CCSER1: variants seen among roughly 807,000 people sequenced by gnomAD.
The protein encoded by CCSER1 is serine-rich coiled-coil domain-containing protein 1.
Under a neutral mutation model 82.0 loss-of-function variants are expected in CCSER1, and 41 were observed. The ratio of observed to expected loss-of-function variants is 0.50; its 90% CI spans 0.39 to 0.65. The LOEUF (loss-of-function observed/expected upper bound fraction) is 0.65, where lower values mean the gene tolerates loss of function less well. CCSER1 is among the 30% of genes least tolerant of loss of function. The pLI is 0.00. For missense variants in CCSER1, 1,119 were observed against 1,064.2 expected (o/e 1.05, Z -0.72); for synonymous variants, 414 against 383.9 (o/e 1.08, Z -0.92).
At chr4:90,449,837 C>T (rs891759862) in intron 4 of CCSER1, among the ~76,000 whole-genome samples, 2 of 152,234 alleles carry the variant, frequency 1.3e-5, no homozygotes, top group African/African-American at 4.8e-5. Flanking sequence ...TCCACAGCCA[C>T]AGCTGGGTGG....
chr4:91,363,360 TG>T (rs1749387997), intron 10 of CCSER1, among the ~76,000 whole-genome samples: 1 of 56,268 alleles, frequency 1.8e-5, no homozygotes, highest in African/African-American at 1.4e-4. Flanking sequence ...AGATATTTTG[TG>T]TGTGTGTGTG....
chr4:91,467,464 C>G (rs1339005900), intron 10 of CCSER1, among the ~76,000 whole-genome samples: 1 of 152,136 alleles, frequency 6.6e-6, no homozygotes, highest in Non-Finnish European at 1.5e-5. Flanking sequence ...GTCTAAAAAA[C>G]CAAAAGCAAT....
rs1399744276 is a variant in CCSER1 at position 90,510,834 on chromosome 4, CT to C, written c.1724+42481del. On this transcript the variant is annotated intron_variant, in intron 5 of 10. Coordinates refer to ENST00000509176, the MANE Select transcript of CCSER1 (RefSeq NM_001145065.2). ...AAAAAGACTCTGGGCCTTCGTGGTG[CT>C]CAGTAAGAGTTGATGATGAGTCACA... 5.5e-4 allele frequency among the ~76,000 whole-genome samples: 83 copies of C among 152,276 alleles called. 1 individual carries two copies. Among genetic ancestry groups the C allele is most frequent in the African/African-American group, 1.9e-3 (79 of 41,562 alleles).
chr4:90,726,492 T>C (rs993023206), intron 7 of CCSER1, among the ~76,000 whole-genome samples: 7 of 152,080 alleles, frequency 4.6e-5, no homozygotes, highest in Non-Finnish European at 8.8e-5. Flanking sequence ...GGTTAAACTT[T>C]AGAGATACAT....
At chr4:91,156,291 G>A (rs1440786167) in intron 10 of CCSER1, among the ~76,000 whole-genome samples, 4 of 151,788 alleles carry the variant, frequency 2.6e-5, no homozygotes, top group East Asian at 1.9e-4. Context: ...TTTACCTAGT[G>A]TGGTCAACCA....
chr4:90,364,093 C>T (rs1338789183), intron 3 of CCSER1, among the ~76,000 whole-genome samples: 1 of 151,998 alleles, frequency 6.6e-6, no homozygotes, highest in Non-Finnish European at 1.5e-5. Context: ...TTCTTCTTCT[C>T]TTGAAACATA....
intron 10 of CCSER1, among the ~76,000 whole-genome samples, chr4:91,229,989 C>T (rs1336568668): frequency 1.3e-5 from 2 of 152,082 alleles, no homozygotes; most frequent in Admixed American, 1.3e-4. Context: ...AATCCCAGAA[C>T]TTAAAGTTAA....
At chr4:91,260,986 A>G (rs1254646142) in intron 10 of CCSER1, among the ~76,000 whole-genome samples, 5 of 152,020 alleles carry the variant, frequency 3.3e-5, no homozygotes, top group Admixed American at 6.6e-5. Context: ...GATGGTCTCG[A>G]TCTCCTGACC....
chr4:91,197,694 T>A (rs1306865271), intron 10 of CCSER1, among the ~76,000 whole-genome samples: 1 of 152,148 alleles, frequency 6.6e-6, no homozygotes, highest in Non-Finnish European at 1.5e-5. Context: ...AATTTAAAAA[T>A]TACAAATATA....
At chr4:90,348,333 T>C (rs1378377905) in intron 3 of CCSER1, among the ~76,000 whole-genome samples, 1 of 152,200 alleles carries the variant, frequency 6.6e-6, no homozygotes, top group African/African-American at 2.4e-5. Context: ...CATAAAATAT[T>C]TCAGTATTTT....
chr4:91,582,841 G>A (rs1311691024), intron 10 of CCSER1, among the ~76,000 whole-genome samples: 3 of 151,284 alleles, frequency 2.0e-5, no homozygotes, highest in Non-Finnish European at 3.0e-5. Flanking sequence ...TATAATTCAA[G>A]AATTCTGAGC....
intron 1 of CCSER1, among the ~76,000 whole-genome samples, chr4:90,139,984 A>G (rs553619342): frequency 3.9e-5 from 6 of 152,298 alleles, no homozygotes; most frequent in South Asian, 2.1e-4. Flanking sequence ...AAATAAAAGT[A>G]TGAAAATGAA....
At chr4:90,492,859 T>G (rs923822995) in intron 5 of CCSER1, among the ~76,000 whole-genome samples, 5 of 152,184 alleles carry the variant, frequency 3.3e-5, no homozygotes, top group Admixed American at 2.6e-4. Flanking sequence ...TGAGTTCTAG[T>G]TTTATTGCAC....
intron 10 of CCSER1, among the ~76,000 whole-genome samples, chr4:91,184,924 T>A (rs1734383323): frequency 6.6e-6 from 1 of 152,176 alleles, no homozygotes; most frequent in Admixed American, 6.5e-5. Flanking sequence ...GGTACAGAAG[T>A]TATAATTGGT....
chr4:90,725,947 T>C (rs1480182563), intron 7 of CCSER1, among the ~76,000 whole-genome samples: 1 of 151,958 alleles, frequency 6.6e-6, no homozygotes, highest in Non-Finnish European at 1.5e-5. Flanking sequence ...TGTGACATGA[T>C]ATTTCATGTT....
chr4:90,646,726 C>G (rs1727674533), intron 6 of CCSER1, among the ~76,000 whole-genome samples: 1 of 152,120 alleles, frequency 6.6e-6, no homozygotes, highest in African/African-American at 2.4e-5. Context: ...TTTAATTTCT[C>G]CCTCTTAGCA....
intron 10 of CCSER1, among the ~76,000 whole-genome samples, chr4:91,377,645 A>G (rs1560623749): frequency 6.6e-6 from 1 of 152,120 alleles, no homozygotes; most frequent in Non-Finnish European, 1.5e-5. Flanking sequence ...GATTCTGGAT[A>G]TTAGCCCTTT....
chr4:90,280,350 C>T (rs1157963290), intron 1 of CCSER1, among the ~76,000 whole-genome samples: 2 of 151,736 alleles, frequency 1.3e-5, no homozygotes, highest in Admixed American at 1.3e-4. Context: ...CTCCCTTCCT[C>T]TCTCTCTTCA....
chr4:90,317,429 T>C (rs1245350872), intron 3 of CCSER1, among the ~76,000 whole-genome samples: 2 of 151,950 alleles, frequency 1.3e-5, no homozygotes, highest in Non-Finnish European at 2.9e-5. Context: ...GTGGCCAAGA[T>C]GGTGAAACCC....
Sources: allele counts gnomAD v4.1 joint callset (sites outside exome capture counted in the v4.1 genomes callset), GRCh38; gene constraint gnomAD v4.1.1; transcripts MANE v1.5; gene names NCBI Gene and HGNC (gene_info 2026-07-23, HGNC 2026-07-21).